The following MBOAT2 variants were observed in gnomAD, a reference collection of about 807,000 sequenced individuals.
MBOAT2 encodes membrane-bound glycerophospholipid O-acyltransferase 2.
A neutral mutation model predicts 63.4 loss-of-function variants in MBOAT2; 28 were observed. The observed-to-expected ratio is 0.44, with a 90% confidence interval of 0.33 to 0.61. The LOEUF (loss-of-function observed/expected upper bound fraction) is 0.61, where lower values mean the gene tolerates loss of function less well. Among genes scored for constraint, MBOAT2 ranks in the 20% least tolerant of loss-of-function variants. The probability of loss-of-function intolerance (pLI) is 0.03; values close to 1 mark genes in which losing one functional copy is unlikely to be tolerated. For synonymous variants in MBOAT2, 211 were observed against 215.6 expected, an observed-to-expected ratio of 0.98 and a Z score of 0.19; for missense variants, 470 against 605.8, an observed-to-expected ratio of 0.78 and a Z score of 2.35.
At chr2:8,871,495 T>C (rs1402290755) in intron 8 of MBOAT2, among the ~76,000 whole-genome samples, 1 of 152,184 alleles carries the variant, frequency 6.6e-6, no homozygotes, top group Non-Finnish European at 1.5e-5. Flanking sequence ...TACAAAACCC[T>C]AAAAATACCA....
chr2:8,971,374 A>T (rs1670441332), intron 1 of MBOAT2, among the ~76,000 whole-genome samples: 1 of 152,044 alleles, frequency 6.6e-6, no homozygotes, highest in African/African-American at 2.4e-5. Flanking sequence ...TCTCAAAATA[A>T]TAAGAGCTAT....
chr2:8,864,352 G>A, intron 9 of MBOAT2, 118 bp from the exon 10 acceptor site: 1 of 492,818 alleles, frequency 2.0e-6, no homozygotes, highest in South Asian at 4.1e-5. Context: ...TGGTAGTATA[G>A]TGATTTCTCT....
At chr2:8,995,011 C>T (rs565177947) in intron 1 of MBOAT2, among the ~76,000 whole-genome samples, 3 of 152,320 alleles carry the variant, frequency 2.0e-5, no homozygotes, top group South Asian at 2.1e-4. Flanking sequence ...GCAATTTACT[C>T]GGCATGTGTG....
intron 4 of MBOAT2, among the ~76,000 whole-genome samples, chr2:8,903,018 C>T (rs1358552351): frequency 1.3e-5 from 2 of 152,156 alleles, no homozygotes; most frequent in African/African-American, 4.8e-5. Context: ...GGTGCGTTTA[C>T]AATCCTTTAG....
At chr2:8,875,298 G>A (rs1662626074) in intron 7 of MBOAT2, among the ~76,000 whole-genome samples, 1 of 152,066 alleles carries the variant, frequency 6.6e-6, no homozygotes, top group South Asian at 2.1e-4. Context: ...TTAAAATGGT[G>A]GGAAAATACA....
intron 3 of MBOAT2, among the ~76,000 whole-genome samples, chr2:8,918,176 T>C (rs1666321083): frequency 6.6e-6 from 1 of 152,250 alleles, no homozygotes; most frequent in Admixed American, 6.5e-5. Flanking sequence ...TCCAAGCTCA[T>C]GGAACAGGCA....
intron 1 of MBOAT2, among the ~76,000 whole-genome samples, chr2:8,959,231 G>A (rs1402220020): frequency 3.3e-5 from 5 of 152,144 alleles, no homozygotes; most frequent in African/African-American, 7.2e-5. Flanking sequence ...CCAAGGGGAA[G>A]GAATGAATTA....
intron 1 of MBOAT2, among the ~76,000 whole-genome samples, chr2:9,001,266 T>C (rs1279036269): frequency 6.6e-6 from 1 of 152,214 alleles, no homozygotes; most frequent in Non-Finnish European, 1.5e-5. Flanking sequence ...AAACCAGTGA[T>C]GCACTTAGGA....
chr2:8,869,798 T>C (rs960557401), intron 8 of MBOAT2, among the ~76,000 whole-genome samples: 2 of 152,200 alleles, frequency 1.3e-5, no homozygotes, highest in Non-Finnish European at 2.9e-5. Flanking sequence ...TAGAAATGGC[T>C]GCTGGGGAAC....
intron 1 of MBOAT2, among the ~76,000 whole-genome samples, chr2:8,973,657 G>A (rs2103316914): frequency 6.6e-6 from 1 of 150,378 alleles, no homozygotes; most frequent in East Asian, 1.9e-4. Context: ...TAATAGAAAA[G>A]TAGGCAGAGC....
intron 2 of MBOAT2, among the ~76,000 whole-genome samples, chr2:8,948,735 T>C (rs1461213154): frequency 2.0e-5 from 3 of 152,238 alleles, no homozygotes; most frequent in Non-Finnish European, 2.9e-5. Context: ...CTTCATCCAG[T>C]CCAGCACTGA....
intron 6 of MBOAT2, among the ~76,000 whole-genome samples, chr2:8,878,563 A>C (rs1475925168): frequency 6.6e-6 from 1 of 152,138 alleles, no homozygotes; most frequent in Non-Finnish European, 1.5e-5. Context: ...CCCAGGCTGG[A>C]CTCAAACTCC....
chr2:8,884,105 G>A (rs1157936830), intron 5 of MBOAT2, among the ~76,000 whole-genome samples: 11 of 147,840 alleles, frequency 7.4e-5, no homozygotes, highest in African/African-American at 9.9e-5. Context: ...GTGTGGCGGC[G>A]GGCGCCTATA....
chr2:8,949,819 G>T (rs1668690518), intron 2 of MBOAT2, among the ~76,000 whole-genome samples: 1 of 152,056 alleles, frequency 6.6e-6, no homozygotes, highest in Non-Finnish European at 1.5e-5. Context: ...TTGGCTATTT[G>T]GGCTCTTTTT....
intron 1 of MBOAT2, among the ~76,000 whole-genome samples, chr2:8,973,170 C>A (rs1329511720): frequency 6.6e-6 from 1 of 151,974 alleles, no homozygotes; most frequent in African/African-American, 2.4e-5. Context: ...ACATATACAC[C>A]ATGGAATACT....
At chr2:8,995,226 A>C (rs1382882479) in intron 1 of MBOAT2, among the ~76,000 whole-genome samples, 2 of 152,276 alleles carry the variant, frequency 1.3e-5, no homozygotes, top group South Asian at 4.1e-4. Context: ...ATCAATCAAT[A>C]CAATTTTTAA....
intron 8 of MBOAT2, among the ~76,000 whole-genome samples, chr2:8,870,972 C>T (rs1662275214): frequency 6.6e-6 from 1 of 151,684 alleles, no homozygotes; most frequent in Non-Finnish European, 1.5e-5. Context: ...GTCATAATTG[C>T]AAATAAAAAA....
intron 2 of MBOAT2, among the ~76,000 whole-genome samples, chr2:8,954,600 A>G (rs1669079321): frequency 6.6e-6 from 1 of 152,106 alleles, no homozygotes; most frequent in South Asian, 2.1e-4. Context: ...CTTCTAATCT[A>G]GAAGAGTTGC....
intron 8 of MBOAT2, among the ~76,000 whole-genome samples, chr2:8,869,276 G>T (rs2148518360): frequency 6.6e-6 from 1 of 150,690 alleles, no homozygotes; most frequent in South Asian, 2.1e-4. Context: ...CGAACTCCTG[G>T]CCTCAGGCCA....
Sources: gnomAD v4.1 joint callset for allele counts (sites outside exome capture counted in the v4.1 genomes callset) on GRCh38, gnomAD v4.1.1 for gene constraint, MANE v1.5 for transcripts, NCBI Gene and HGNC (gene_info 2026-07-23, HGNC 2026-07-21) for gene names.